Variants in KHDRBS2 observed in about 807,000 individuals in gnomAD.
KHDRBS2 encodes KH RNA binding domain containing, signal transduction associated 2.
A neutral mutation model predicts 44.3 loss-of-function variants in KHDRBS2; 26 were observed. That is an observed-to-expected ratio of 0.59 (90% confidence interval 0.43 to 0.81). The LOEUF (loss-of-function observed/expected upper bound fraction) is 0.81. Ranked by LOEUF, KHDRBS2 falls within the 40% of genes least tolerant of loss-of-function variation. KHDRBS2 has a pLI of 0.00. For missense variants in KHDRBS2, 476 were observed against 433.1 expected (o/e 1.10, Z -0.88); for synonymous variants, 194 against 151.1 (o/e 1.28, Z -2.08).
the KHDRBS2 span, among the ~76,000 whole-genome samples, chr6:61,597,931 C>A: frequency 7.0e-6 from 1 of 143,108 alleles, no homozygotes; most frequent in Non-Finnish European, 1.5e-5. Context: ...TTTTTAATGG[C>A]CTAATACCAG....
intron 2 of KHDRBS2, among the ~76,000 whole-genome samples, chr6:62,172,698 G>GA (rs33984802): frequency 0.23 from 16,652 of 73,424 alleles, 2,850 homozygotes; most frequent in African/African-American, 0.45. Flanking sequence ...CCAGCAAACT[G>GA]AAAAAAAAAA....
rs1337137052 is a variant in KHDRBS2, at chr6:61,922,483, G to C, written c.484-21112C>G. On this transcript the variant is annotated intron_variant, in intron 4 of 8. Transcript: ENST00000281156. ...ACAGACAACACTGGAGATCTGAAGA[G>C]GATCTTTTTTGGAGTATTCAACAAT... 6.6e-5 allele frequency among the ~76,000 whole-genome samples: 10 copies of C among 152,148 alleles called. No homozygotes were observed. In the East Asian group the frequency reaches 1.4e-3, roughly 21 times the overall value.
In KHDRBS2 at chr6:61,770,105, A is replaced by G. The variant is rs1300926978; in HGVS notation, c.811-37341T>C. ...TGGAGTGGACCTCTGGCAAACTCCA[A>G]CAGACCTGCAGCTGAGGGTCCTGTC... On this transcript the variant is annotated intron_variant, in intron 6 of 8. Transcript: ENST00000281156. 8.5e-5 allele frequency among the ~76,000 whole-genome samples: 13 copies of G among 152,334 alleles called. No individual in the cohort carries two copies. The East Asian group carries it at 2.3e-3, about 27-fold the overall frequency.
chr6:61,612,507 T>C, the KHDRBS2 span, among the ~76,000 whole-genome samples: 1 of 152,220 alleles, frequency 6.6e-6, no homozygotes, highest in African/African-American at 2.4e-5. Flanking sequence ...GTTATAGTCA[T>C]GTCTACTCTC....
chr6:61,945,453 G>C (rs745846049), intron 4 of KHDRBS2, among the ~76,000 whole-genome samples: 1 of 151,508 alleles, frequency 6.6e-6, no homozygotes, highest in Non-Finnish European at 1.5e-5. Flanking sequence ...ATTACTACAA[G>C]CTTTATTTAT....
At chr6:62,019,856 A>G (rs2127278808) in intron 3 of KHDRBS2, among the ~76,000 whole-genome samples, 1 of 151,442 alleles carries the variant, frequency 6.6e-6, no homozygotes, top group East Asian at 1.9e-4. Context: ...AGGTTTATCA[A>G]TTTTGTTGAT....
chr6:61,592,188 CA>C, the KHDRBS2 span, among the ~76,000 whole-genome samples: 245 of 122,184 alleles, frequency 2.0e-3, no homozygotes, highest in Non-Finnish European at 2.5e-3. Context: ...AAGATCCCAC[CA>C]AAAAAAAAAA....
intron 3 of KHDRBS2, among the ~76,000 whole-genome samples, chr6:62,018,792 TTACTGATTTTCC>T (rs1781729225): frequency 6.6e-6 from 1 of 152,200 alleles, no homozygotes; most frequent in African/African-American, 2.4e-5. Context: ...TTTATATCAT[TTACTGATTTTCC>T]CATTAAATAG....
At chr6:61,729,569 A>G (rs551692904) in intron 7 of KHDRBS2, among the ~76,000 whole-genome samples, 1 of 152,306 alleles carries the variant, frequency 6.6e-6, no homozygotes, top group South Asian at 2.1e-4. Context: ...ATATATGAGC[A>G]TTGCAGTTGC....
chr6:61,563,459 C>T, the KHDRBS2 span, among the ~76,000 whole-genome samples: 5 of 152,050 alleles, frequency 3.3e-5, no homozygotes, highest in East Asian at 5.8e-4. Flanking sequence ...ACAGAGATTT[C>T]TGTTTTAAGA....
intron 6 of KHDRBS2, among the ~76,000 whole-genome samples, chr6:61,807,031 A>G (rs1347140303): frequency 6.6e-6 from 1 of 152,126 alleles, no homozygotes; most frequent in Non-Finnish European, 1.5e-5. Flanking sequence ...GTGAATAAGA[A>G]GCCACAGAAG....
intron 6 of KHDRBS2, among the ~76,000 whole-genome samples, chr6:61,842,836 G>A (rs1361631839): frequency 1.3e-5 from 2 of 151,812 alleles, no homozygotes; most frequent in East Asian, 1.9e-4. Context: ...ATTAACTGAT[G>A]AATGCATAAA....
intron 2 of KHDRBS2, among the ~76,000 whole-genome samples, chr6:62,094,838 C>T (rs1800231549): frequency 6.6e-6 from 1 of 151,772 alleles, no homozygotes; most frequent in Admixed American, 6.6e-5. Flanking sequence ...TTTACACATA[C>T]TTGGCATTTT....
At chr6:61,956,222 C>G (rs538791363) in intron 4 of KHDRBS2, among the ~76,000 whole-genome samples, 5 of 151,924 alleles carry the variant, frequency 3.3e-5, no homozygotes, top group Non-Finnish European at 7.4e-5. Context: ...AAAACAGACA[C>G]TCTTTATGTT....
chr6:61,688,652 T>C (rs753668673), intron 8 of KHDRBS2, among the ~76,000 whole-genome samples: 1 of 151,904 alleles, frequency 6.6e-6, no homozygotes, highest in Non-Finnish European at 1.5e-5. Flanking sequence ...TGAGCCATAG[T>C]TATAGCAATT....
At chr6:61,703,210 G>A (rs1170240138) in intron 7 of KHDRBS2, among the ~76,000 whole-genome samples, 2 of 151,744 alleles carry the variant, frequency 1.3e-5, no homozygotes, top group Non-Finnish European at 2.9e-5. Flanking sequence ...TGAAACAAAT[G>A]TAATAAAAAT....
the KHDRBS2 span, among the ~76,000 whole-genome samples, chr6:61,555,655 C>T: frequency 1.3e-5 from 2 of 152,210 alleles, no homozygotes; most frequent in Non-Finnish European, 2.9e-5. Flanking sequence ...CTTCAACTCT[C>T]GAAGTTGCTG....
chr6:61,702,048 A>T (rs1453212833), intron 7 of KHDRBS2, among the ~76,000 whole-genome samples: 1 of 149,138 alleles, frequency 6.7e-6, no homozygotes, highest in Non-Finnish European at 1.5e-5. Context: ...GAAAGTAGGT[A>T]TTTTTTTTTT....
At chr6:61,844,147 A>G (rs747442124) in intron 6 of KHDRBS2, among the ~76,000 whole-genome samples, 3 of 152,156 alleles carry the variant, frequency 2.0e-5, no homozygotes, top group African/African-American at 4.8e-5. Context: ...CCAGGCAAAA[A>G]TAAATATACT....
Sources: gnomAD v4.1 joint callset for allele counts (sites outside exome capture counted in the v4.1 genomes callset) on GRCh38, gnomAD v4.1.1 for gene constraint, MANE v1.5 for transcripts, NCBI Gene and HGNC (gene_info 2026-07-23, HGNC 2026-07-21) for gene names.